The following EPB41L3 variants were observed in gnomAD, a reference collection of about 807,000 sequenced individuals.
EPB41L3 encodes band 4.1-like protein 3.
A neutral mutation model predicts 127.1 loss-of-function variants in EPB41L3; 57 were observed. The ratio of observed to expected loss-of-function variants is 0.45; its 90% CI spans 0.36 to 0.56. The LOEUF is 0.56. Ranked by LOEUF, EPB41L3 falls within the 20% of genes least tolerant of loss-of-function variation. EPB41L3 has a pLI of 0.00. For missense variants in EPB41L3, 1,273 were observed against 1,372.2 expected (o/e 0.93, Z 1.14); for synonymous variants, 572 against 549.5 (o/e 1.04, Z -0.57).
intron 3 of EPB41L3, chr18:5,463,977 G>T (rs762593550): frequency 1.2e-4 from 18 of 152,300 alleles, no homozygotes; most frequent in Non-Finnish European, 1.9e-4. Context: ...ACACTAAACC[G>T]ATCCTTCCAC....
chr18:5,594,485 T>C (rs780542387), intron 3 of EPB41L3, among the ~76,000 whole-genome samples: 5 of 152,154 alleles, frequency 3.3e-5, no homozygotes, highest in Non-Finnish European at 5.9e-5. Flanking sequence ...TAATAAAATA[T>C]ACGGAAAAAA....
chr18:5,530,945 A>G (rs1038503316), intron 1 of EPB41L3, among the ~76,000 whole-genome samples: 10 of 152,200 alleles, frequency 6.6e-5, no homozygotes, highest in Non-Finnish European at 1.5e-4. Flanking sequence ...TATGTACTCA[A>G]GATATACTCC....
chr18:5,584,477 T>C (rs145018790), intron 3 of EPB41L3, among the ~76,000 whole-genome samples: 2 of 152,318 alleles, frequency 1.3e-5, no homozygotes, highest in East Asian at 3.9e-4. Flanking sequence ...TTCATAGTTT[T>C]ATAAAGTTAC....
chr18:5,444,430 G>A (rs149891748), intron 4 of EPB41L3, among the ~76,000 whole-genome samples: 1 of 152,270 alleles, frequency 6.6e-6, no homozygotes, highest in East Asian at 1.9e-4. Context: ...ATGATTTATG[G>A]CACAACACCA....
intron 18 of EPB41L3, 44 bp from the exon 19 acceptor site, chr18:5,396,376 T>C (rs773845261): frequency 9.9e-6 from 16 of 1,611,808 alleles, no homozygotes; most frequent in Non-Finnish European, 1.1e-5. Context: ...ATAGTTTGCA[T>C]GAACACATTG....
Position 5,543,435 on chromosome 18 carries a change from G to C in EPB41L3, c.-12+478C>G, listed in dbSNP as rs560528398. The C allele has an allele frequency of 1.4e-5, 2 of 147,084 alleles. No individual in the cohort carries two copies. Among genetic ancestry groups the C allele is most frequent in the East Asian group, 4.0e-4 (2 of 5,012 alleles). 9.1% of individuals were successfully genotyped at this position (147,084 alleles called of 1,614,324 possible). ...CGCCACCCGCCCGGGCGGCGCCGCA[G>C]TGTCGCCCCCTGTCCCCCGCACCTC... On this transcript the variant is annotated intron_variant, in intron 1 of 22. Coordinates refer to ENST00000341928, the MANE Select transcript of EPB41L3 (RefSeq NM_012307.5). The surrounding 1 kb of genome is among the most constrained non-coding windows in gnomAD (Gnocchi z 5.2).
intron 1 of EPB41L3, among the ~76,000 whole-genome samples, chr18:5,511,391 G>GTTTTTGT (rs2092506328): frequency 3.3e-5 from 2 of 59,796 alleles, no homozygotes; most frequent in African/African-American, 6.8e-5. Context: ...AGGTATTTTG[G>GTTTTTGT]TTTTTTTTTT....
intron 3 of EPB41L3, among the ~76,000 whole-genome samples, chr18:5,595,724 T>C (rs2094530695): frequency 6.6e-6 from 1 of 152,166 alleles, no homozygotes; most frequent in African/African-American, 2.4e-5. Flanking sequence ...GCAACTGTAG[T>C]AAATTTACTG....
chr18:5,461,097 G>A (rs1007095797), intron 3 of EPB41L3, among the ~76,000 whole-genome samples: 3 of 152,088 alleles, frequency 2.0e-5, no homozygotes, highest in East Asian at 1.9e-4. Flanking sequence ...AAGTCGTGAC[G>A]TCTGGGCAGT....
intron 1 of EPB41L3, among the ~76,000 whole-genome samples, chr18:5,527,218 C>T (rs1002771611): frequency 6.6e-6 from 1 of 152,122 alleles, no homozygotes; most frequent in African/African-American, 2.4e-5. Flanking sequence ...AGCAGCATGA[C>T]TCTCATTGCT....
chr18:5,508,754 G>C (rs551615368), intron 1 of EPB41L3, among the ~76,000 whole-genome samples: 1 of 126,316 alleles, frequency 7.9e-6, no homozygotes, highest in East Asian at 2.4e-4. Context: ...GCAAGAGAGC[G>C]AGACTCCATC....
chr18:5,436,357 A>C (rs929668209), intron 6 of EPB41L3, among the ~76,000 whole-genome samples: 2 of 151,900 alleles, frequency 1.3e-5, no homozygotes, highest in South Asian at 4.2e-4. Flanking sequence ...AGCTCTACAA[A>C]TATTACATGA....
chr18:5,573,508 G>C (rs2094304981), intron 3 of EPB41L3, among the ~76,000 whole-genome samples: 1 of 152,178 alleles, frequency 6.6e-6, no homozygotes, highest in Non-Finnish European at 1.5e-5. Flanking sequence ...CTAGAGACAG[G>C]GTAGGGATAT....
At chr18:5,576,561 C>T (rs1170576002) in intron 3 of EPB41L3, among the ~76,000 whole-genome samples, 1 of 152,154 alleles carries the variant, frequency 6.6e-6, no homozygotes. Flanking sequence ...TGCTAATTAG[C>T]CACTTCTAAT....
At chr18:5,545,687 G>A (rs968865046), upstream of EPB41L3, among the ~76,000 whole-genome samples, 2 of 152,170 alleles carry the variant, frequency 1.3e-5, no homozygotes, top group Non-Finnish European at 2.9e-5. Flanking sequence ...GTTGGTGTTC[G>A]GAGGAGACTA....
rs138253215 is a variant in EPB41L3, at chr18:5,421,844, C to T, written c.1339+1534G>A. On this transcript the variant is annotated intron_variant, in intron 11 of 22. Transcript: ENST00000341928. ...CAGACAGTGGCGGGGGTGGTGGTGA[C>T]GGATAAAAAACTACATATTGGGTAC... is the stretch of plus-strand genomic sequence containing the variant. 5.7e-3 allele frequency among the ~76,000 whole-genome samples: 865 copies of T among 151,494 alleles called. 13 individuals carry two copies. The highest frequency in any genetic ancestry group is 0.019 in the African/African-American group (804 of 41,246).
chr18:5,476,859 A>C (rs2147863271), intron 3 of EPB41L3, among the ~76,000 whole-genome samples: 1 of 152,322 alleles, frequency 6.6e-6, no homozygotes, highest in South Asian at 2.1e-4. Context: ...ATGAAACAAA[A>C]TCAAAGCCAG....
chr18:5,600,262 T>C (rs573681434), intron 3 of EPB41L3, among the ~76,000 whole-genome samples: 1 of 152,318 alleles, frequency 6.6e-6, no homozygotes, highest in African/African-American at 2.4e-5. Flanking sequence ...GTCATACTGC[T>C]AGAAAATTGG....
intron 3 of EPB41L3, among the ~76,000 whole-genome samples, chr18:5,455,780 CAA>C (rs1196869385): frequency 1.3e-5 from 2 of 150,464 alleles, no homozygotes; most frequent in Non-Finnish European, 2.9e-5. Context: ...TGATTTTTTG[CAA>C]AGAGTTTCAC....
Sources: gnomAD v4.1 joint callset for allele counts (sites outside exome capture counted in the v4.1 genomes callset) on GRCh38, gnomAD v4.1.1 for gene constraint, Gnocchi (gnomAD v3.1) non-coding constraint, MANE v1.5 for transcripts, NCBI Gene and HGNC (gene_info 2026-07-23, HGNC 2026-07-21) for gene names.